VWA8: variants seen among roughly 807,000 people sequenced by gnomAD.
VWA8 encodes the protein von Willebrand factor A domain-containing protein 8.
In VWA8, 221 loss-of-function variants were observed where a neutral mutation model predicts 241.5. The observed-to-expected ratio is 0.91, with a 90% CI of 0.82 to 1.02. The LOEUF (loss-of-function observed/expected upper bound fraction) is 1.02. VWA8 is among the 50% of genes least tolerant of loss of function. The pLI is 0.00. For synonymous variants in VWA8, 852 were observed against 827.1 expected, an observed-to-expected ratio of 1.03 and a Z score of -0.52; for missense variants, 2,322 against 2,328.7, an observed-to-expected ratio of 1.00 and a Z score of 0.06.
intron 20 of VWA8, among the ~76,000 whole-genome samples, chr13:41,775,624 C>G (rs1868558962): frequency 6.6e-6 from 1 of 152,198 alleles, no homozygotes; most frequent in Non-Finnish European, 1.5e-5. Flanking sequence ...GTCCAACCAT[C>G]TACCTATGGA....
At chr13:41,851,779 T>C (rs1389810636) in intron 12 of VWA8, among the ~76,000 whole-genome samples, 1 of 152,234 alleles carries the variant, frequency 6.6e-6, no homozygotes, top group African/African-American at 2.4e-5. Context: ...TTCTGCTTTT[T>C]AAAGGCTGAA....
chr13:41,642,090 C>A (rs938412086), intron 37 of VWA8, among the ~76,000 whole-genome samples: 4 of 152,140 alleles, frequency 2.6e-5, no homozygotes, highest in African/African-American at 9.7e-5. Context: ...AATAACTGGA[C>A]ATGTAGACAT....
At chr13:41,617,518 T>C (rs761015326) in intron 37 of VWA8, among the ~76,000 whole-genome samples, 7 of 152,350 alleles carry the variant, frequency 4.6e-5, no homozygotes, top group South Asian at 2.1e-4. Flanking sequence ...CTTTAAGTTT[T>C]AGGGTACATG....
At chr13:41,943,964 G>T (rs1455769293) in intron 2 of VWA8, among the ~76,000 whole-genome samples, 1 of 151,926 alleles carries the variant, frequency 6.6e-6, no homozygotes, top group African/African-American at 2.4e-5. Flanking sequence ...AATTAGCTAG[G>T]CAATGTGGCG....
intron 24 of VWA8, among the ~76,000 whole-genome samples, chr13:41,726,181 A>G (rs918595057): frequency 3.9e-5 from 6 of 152,064 alleles, no homozygotes. Context: ...AAACAACTGC[A>G]TAGCATTCTA....
chr13:41,611,646 C>G lies in VWA8; in HGVS notation c.4807G>C (p.Glu1603Gln), dbSNP rs2044589116. 6.2e-7 allele frequency: 1 copy of G among 1,614,008 alleles called. No individual in the cohort carries two copies. The highest frequency in any genetic ancestry group is 1.3e-5 in the African/African-American group (1 of 74,922). Residue 1603 changes from glutamate (E) to glutamine (Q), a missense_variant, in exon 39 of 45, where the codon GAG (glutamate) becomes CAG (glutamine). Physicochemically the swap from Glu to Gln is conservative, Grantham distance 29. Coordinates refer to ENST00000379310, the MANE Select transcript of VWA8 (RefSeq NM_015058.2). ...GHTVYQVSQA[E>Q]KDAVPEEVKR... ...ACCTCTTCGGGAACTGCATCTTTCT[C>G]AGCCTGAGAGACCTGGTACACCGTA...
chr13:41,745,386 G>A (rs1398986948), intron 21 of VWA8, among the ~76,000 whole-genome samples: 3 of 151,950 alleles, frequency 2.0e-5, no homozygotes, highest in Admixed American at 2.0e-4. Context: ...GAGAACATGT[G>A]GTGTTTGGTT....
rs1210317186 is a variant in VWA8 at position 41,865,712 on chromosome 13, T to G, written c.1425+24A>C. 3 of 1,611,648 alleles carry G rather than the reference T, an allele frequency of 1.9e-6. No homozygotes were observed. The African/African-American group carries it at 4.0e-5, about 22-fold the overall frequency. ...TAAGCATATATGCTTATAGTCCAAGTGCAGCTAAAAATGAACACTGTACCT... is the reference window on the plus strand; with the variant it reads ...TAAGCATATATGCTTATAGTCCAAGGGCAGCTAAAAATGAACACTGTACCT... On this transcript the variant is annotated intron_variant, in intron 12 of 44. Transcript: ENST00000379310.
At chr13:41,590,521 T>C in intron 41 of VWA8, 119 bp downstream of exon 41, 1 of 1,034,200 alleles carries the variant, frequency 9.7e-7, no homozygotes, top group Non-Finnish European at 1.3e-6. Context: ...TTTAACATAA[T>C]GCTTTCCTTG....
At chr13:41,692,436 T>C (rs2045184586) in intron 30 of VWA8, among the ~76,000 whole-genome samples, 1 of 152,060 alleles carries the variant, frequency 6.6e-6, no homozygotes, top group African/African-American at 2.4e-5. Flanking sequence ...TACTTACTAG[T>C]TTAATTTAGT....
chr13:41,715,505 AAC>A (rs1342510948), intron 26 of VWA8, among the ~76,000 whole-genome samples: 1 of 152,010 alleles, frequency 6.6e-6, no homozygotes, highest in African/African-American at 2.4e-5. Context: ...ATTATTCTGA[AAC>A]ACACTTTTTA....
intron 42 of VWA8, among the ~76,000 whole-genome samples, chr13:41,582,782 G>T (rs572751793): frequency 6.6e-6 from 1 of 152,170 alleles, no homozygotes; most frequent in Admixed American, 6.5e-5. Context: ...GAATGTATGT[G>T]CATCAAATAT....
chr13:41,915,629 TTCTC>T (rs1177596044), intron 2 of VWA8, among the ~76,000 whole-genome samples: 4 of 152,212 alleles, frequency 2.6e-5, no homozygotes, highest in South Asian at 2.1e-4. Flanking sequence ...GAGAAAGAGT[TTCTC>T]TCTATTTCCT....
chr13:41,596,789 ACAC>A (rs1157408236), intron 40 of VWA8, among the ~76,000 whole-genome samples: 10 of 11,506 alleles, frequency 8.7e-4, no homozygotes, highest in Non-Finnish European at 2.6e-3. Flanking sequence ...ACCAGAAAGT[ACAC>A]ACACACACAC....
chr13:41,685,291 C>T, intron 34 of VWA8, 49 bp from the exon 35 acceptor site: 1 of 1,541,160 alleles, frequency 6.5e-7, no homozygotes, highest in Non-Finnish European at 8.8e-7. Flanking sequence ...ATACTACATT[C>T]ACCACAACCT....
chr13:41,865,940 A>G lies in VWA8; in HGVS notation c.1309T>C (p.Ser437Pro). 3 of 1,614,234 alleles carry G rather than the reference A, an allele frequency of 1.9e-6. No homozygotes were observed. The highest frequency in any genetic ancestry group is 2.5e-6 in the Non-Finnish European group (3 of 1,180,048). The change falls in exon 11 of 45, where the codon TCT (serine) becomes CCT (proline). Residue 437 changes from serine (S) to proline (P), a missense_variant. Coordinates refer to ENST00000379310, the MANE Select transcript of VWA8 (RefSeq NM_015058.2). ...HKQLQAEMMQ[S>P]HMVKDICLIG... ...AAACATATATCTTTAACCATGTGAG[A>G]CTGCATCATTTCAGCCTGTAGCTGC...
At chr13:41,632,798 T>C (rs975278412) in intron 37 of VWA8, among the ~76,000 whole-genome samples, 5 of 152,206 alleles carry the variant, frequency 3.3e-5, no homozygotes, top group African/African-American at 1.2e-4. Context: ...CACCCAATAA[T>C]AACAATCTTC....
intron 37 of VWA8, among the ~76,000 whole-genome samples, chr13:41,669,254 T>C (rs527855455): frequency 2.4e-4 from 36 of 152,364 alleles, no homozygotes; most frequent in South Asian, 1.7e-3. Flanking sequence ...TCTTGAGATG[T>C]TAGATCCATA....
intron 26 of VWA8, among the ~76,000 whole-genome samples, chr13:41,703,741 T>C (rs907780943): frequency 6.6e-6 from 1 of 152,130 alleles, no homozygotes; most frequent in Admixed American, 6.6e-5. Context: ...AAAACTTTTC[T>C]TTAAAATTGG....
Sources: gnomAD v4.1 joint callset for allele counts (sites outside exome capture counted in the v4.1 genomes callset) on GRCh38, gnomAD v4.1.1 for gene constraint, MANE v1.5 for transcripts, NCBI Gene and HGNC (gene_info 2026-07-23, HGNC 2026-07-21) for gene names.